The following MGST1 variants were observed in gnomAD, a reference collection of about 807,000 sequenced individuals.
MGST1 encodes microsomal glutathione S-transferase 1.
Under a neutral mutation model 8.9 loss-of-function variants are expected in MGST1, and 5 were observed. The ratio of observed to expected loss-of-function variants is 0.56; its 90% CI spans 0.29 to 1.19. MGST1 has a LOEUF of 1.19. MGST1 is among the 50% of genes most tolerant of loss of function. MGST1 has a pLI of 0.08. For synonymous variants in MGST1, 54 were observed against 67.8 expected (o/e 0.80, Z 1.00); for missense variants, 182 against 187.4 (o/e 0.97, Z 0.17).
At chr12:16,518,673 A>G (rs1162920513) in intron 4 of MGST1, among the ~76,000 whole-genome samples, 1 of 152,186 alleles carries the variant, frequency 6.6e-6, no homozygotes, top group Non-Finnish European at 1.5e-5. Flanking sequence ...TCTGGCCGTT[A>G]TCTGATCAGC....
At chr12:16,444,861 G>A (rs1378188350) in intron 4 of MGST1, among the ~76,000 whole-genome samples, 4 of 151,884 alleles carry the variant, frequency 2.6e-5, no homozygotes, top group Admixed American at 2.0e-4. Context: ...GTTTCAGACA[G>A]ACTCATGGTT....
At chr12:16,512,979 C>T (rs1349207761) in intron 4 of MGST1, among the ~76,000 whole-genome samples, 3 of 152,128 alleles carry the variant, frequency 2.0e-5, no homozygotes, top group African/African-American at 7.2e-5. Flanking sequence ...CTAGATATAT[C>T]CCCAACCGTC....
downstream of MGST1, among the ~76,000 whole-genome samples, chr12:16,381,874 C>T (rs1207012161): frequency 2.0e-5 from 3 of 152,142 alleles, no homozygotes; most frequent in Non-Finnish European, 4.4e-5. Flanking sequence ...CTTCTCGCTT[C>T]GTTTCATTCA....
At chr12:16,499,575 T>A (rs1484377401) in intron 4 of MGST1, among the ~76,000 whole-genome samples, 1 of 152,120 alleles carries the variant, frequency 6.6e-6, no homozygotes, top group East Asian at 1.9e-4. Context: ...ATTACCAATA[T>A]CTGCACCGAA....
chr12:16,422,118 T>C (rs1156895041), intron 1 of MGST1, among the ~76,000 whole-genome samples: 4 of 152,170 alleles, frequency 2.6e-5, no homozygotes. Context: ...GGGTGATCAT[T>C]GGATGAGACT....
intron 4 of MGST1, among the ~76,000 whole-genome samples, chr12:16,447,170 T>G (rs1035246485): frequency 4.6e-5 from 7 of 152,058 alleles, no homozygotes; most frequent in Admixed American, 2.6e-4. Context: ...TCCCATGGCC[T>G]TATATCCTGA....
chr12:16,399,739 G>T, intron 1 of MGST1: 2 of 1,158,962 alleles, frequency 1.7e-6, no homozygotes, highest in Non-Finnish European at 2.6e-6. Context: ...TTGAGGGACT[G>T]TACTCCTTCT....
chr12:16,564,359 G>T (rs904966740), intron 4 of MGST1, among the ~76,000 whole-genome samples: 1 of 152,176 alleles, frequency 6.6e-6, no homozygotes, highest in Non-Finnish European at 1.5e-5. Flanking sequence ...AGAACATTTT[G>T]CATTTTTACT....
chr12:16,364,100 A>G lies in MGST1; in HGVS notation c.*59A>G. 2 of 1,520,830 alleles carry G rather than the reference A, an allele frequency of 1.3e-6. No individual in the cohort carries two copies. The highest frequency in any genetic ancestry group is 1.4e-5 in the African/African-American group (1 of 72,178). The allele number at this position is 1,520,830 out of a possible 1,614,324, so 94.2% of individuals were successfully genotyped here. ...TTTAAGAATTCTGTACTTCCAATTT[A>G]TAATGAATACTTTCTTAGATTTTAG... On this transcript the variant is annotated 3_prime_UTR_variant, in exon 4 of 4. Transcript: ENST00000396210. This position sits in a 1 kb window ranked among gnomAD's most constrained non-coding sequence, Gnocchi z 5.7.
At chr12:16,388,642 G>A (rs1165135191) in intron 1 of MGST1, among the ~76,000 whole-genome samples, 1 of 152,174 alleles carries the variant, frequency 6.6e-6, no homozygotes, top group Admixed American at 6.5e-5. Context: ...AATATCAGCT[G>A]GCTATAAGTG....
At chr12:16,464,254 A>T (rs566437255) in intron 4 of MGST1, among the ~76,000 whole-genome samples, 1 of 152,202 alleles carries the variant, frequency 6.6e-6, no homozygotes, top group Non-Finnish European at 1.5e-5. Context: ...ATTTCATTAC[A>T]TTTCCGCCCA....
rs543825698 is a variant in MGST1 at position 16,585,757 on chromosome 12, C to T, written n.483-3771C>T. 6.6e-6 allele frequency among the ~76,000 whole-genome samples: 1 copy of T among 152,242 alleles called. No individual in the cohort carries two copies. Among genetic ancestry groups the T allele is most frequent in the African/African-American group, 2.4e-5 (1 of 41,534 alleles). ...AATATGGGTGAGAAATTACAAAAGG[C>T]TGGAGAATCAATTAACATATATACT... On this transcript the variant is annotated intron_variant and non_coding_transcript_variant, in intron 4 of 4. Transcript: ENST00000538857. This position sits in a 1 kb window ranked among gnomAD's most constrained non-coding sequence, Gnocchi z 4.7.
In MGST1 at chr12:16,555,758, C is replaced by T. The variant is rs1012226113; in HGVS notation, n.483-33770C>T. On this transcript the variant is annotated intron_variant and non_coding_transcript_variant, in intron 4 of 4. Transcript: ENST00000538857. The surrounding 1 kb of genome is among the most constrained non-coding windows in gnomAD (Gnocchi z 5.5). ...ATTTCCTAAACACGTCAAATGCTTT[C>T]ACATCTGCATGCCTTTGCACGTTGC... Among the ~76,000 whole-genome samples, 4 of 152,264 alleles carry T rather than the reference C, an allele frequency of 2.6e-5. No homozygotes were observed. The East Asian group carries it at 7.7e-4, about 29-fold the overall frequency.
chr12:16,368,772 G>A (rs1424033787), downstream of MGST1, among the ~76,000 whole-genome samples: 5 of 152,098 alleles, frequency 3.3e-5, no homozygotes, highest in African/African-American at 4.8e-5. Context: ...AGCCCTGACA[G>A]CCCTGCATAA....
chr12:16,579,960 G>C (rs1943109154), intron 4 of MGST1, among the ~76,000 whole-genome samples: 1 of 152,146 alleles, frequency 6.6e-6, no homozygotes, highest in Admixed American at 6.6e-5. Context: ...TGCACAGGGT[G>C]CTTTCTGGTC....
intron 4 of MGST1, among the ~76,000 whole-genome samples, chr12:16,473,090 AC>A (rs1184945883): frequency 6.6e-6 from 1 of 152,206 alleles, no homozygotes; most frequent in Non-Finnish European, 1.5e-5. Context: ...CGACTTGATA[AC>A]TTTTAAATCT....
intron 1 of MGST1, among the ~76,000 whole-genome samples, chr12:16,403,141 C>T (rs533717714): frequency 4.3e-4 from 65 of 152,142 alleles, no homozygotes; most frequent in African/African-American, 1.5e-3. Flanking sequence ...CCAAGAAATA[C>T]AGCTTTAGCT....
intron 1 of MGST1, among the ~76,000 whole-genome samples, chr12:16,394,442 CTCTT>C (rs1162052521): frequency 2.0e-5 from 3 of 151,230 alleles, no homozygotes; most frequent in South Asian, 2.1e-4. Flanking sequence ...CCCTCCCTCT[CTCTT>C]TCTTTCTCAC....
At chr12:16,486,859 A>C (rs939443112) in intron 4 of MGST1, among the ~76,000 whole-genome samples, 3 of 148,976 alleles carry the variant, frequency 2.0e-5, no homozygotes, top group Non-Finnish European at 3.0e-5. Context: ...GACAAAAAAC[A>C]GTGGGTACAG....
Sources: allele counts gnomAD v4.1 joint callset (sites outside exome capture counted in the v4.1 genomes callset), GRCh38; gene constraint gnomAD v4.1.1; non-coding constraint Gnocchi (gnomAD v3.1); transcripts MANE v1.5; gene names NCBI Gene and HGNC (gene_info 2026-07-23, HGNC 2026-07-21).